Variants in NECTIN3 observed in about 807,000 individuals in gnomAD.
The protein encoded by NECTIN3 is nectin cell adhesion molecule 3.
NECTIN3 carries 8 observed loss-of-function variants against 49.4 expected under a neutral mutation model. That is an observed-to-expected ratio of 0.16 (90% CI 0.10 to 0.29). NECTIN3 has a LOEUF of 0.29. Ranked by LOEUF, NECTIN3 falls within the 10% of genes least tolerant of loss-of-function variation. The probability of loss-of-function intolerance (pLI) is 1.00; values close to 1 mark genes in which losing one functional copy is unlikely to be tolerated. For synonymous variants in NECTIN3, 277 were observed against 241.1 expected (o/e 1.15, Z -1.38); for missense variants, 581 against 654.6 (o/e 0.89, Z 1.23).
chr3:111,139,626 C>A (rs533175406), downstream of NECTIN3, among the ~76,000 whole-genome samples: 1 of 151,750 alleles, frequency 6.6e-6, no homozygotes, highest in African/African-American at 2.4e-5. Context: ...TAACCCTGTT[C>A]TTTTACCATA....
chr3:111,147,390 C>A, intron 6 of NECTIN3: 1 of 1,496,792 alleles, frequency 6.7e-7, no homozygotes, highest in Non-Finnish European at 9.0e-7. Context: ...ATATTTTAAC[C>A]TTTGCAATGC....
intron 7 of NECTIN3, among the ~76,000 whole-genome samples, chr3:111,174,962 G>A (rs2035500492): frequency 6.6e-6 from 1 of 152,046 alleles, no homozygotes; most frequent in African/African-American, 2.4e-5. Context: ...GGATGAGTGT[G>A]GACTTGAAGG....
intron 1 of NECTIN3, among the ~76,000 whole-genome samples, chr3:111,083,654 T>G (rs917592008): frequency 6.6e-6 from 1 of 152,162 alleles, no homozygotes; most frequent in Non-Finnish European, 1.5e-5. Context: ...GAGACATCAG[T>G]CAAGGTTTTA....
chr3:111,079,611 C>T (rs2031462918), intron 1 of NECTIN3, among the ~76,000 whole-genome samples: 1 of 151,662 alleles, frequency 6.6e-6, no homozygotes, highest in South Asian at 2.1e-4. Context: ...TGGAAGAAGG[C>T]ATATAGCTAA....
intron 4 of NECTIN3, among the ~76,000 whole-genome samples, chr3:111,125,511 T>C (rs1274552092): frequency 3.3e-5 from 5 of 152,170 alleles, no homozygotes; most frequent in South Asian, 2.1e-4. Flanking sequence ...TAGAGTAATA[T>C]GGATACTAGG....
At chr3:111,153,662 A>T (rs1461792895) in intron 7 of NECTIN3, among the ~76,000 whole-genome samples, 1 of 152,108 alleles carries the variant, frequency 6.6e-6, no homozygotes, top group Non-Finnish European at 1.5e-5. Context: ...TTATTTCAGT[A>T]GAAAAACAAA....
At chr3:111,084,027 G>A (rs2031785256) in intron 1 of NECTIN3, among the ~76,000 whole-genome samples, 1 of 152,138 alleles carries the variant, frequency 6.6e-6, no homozygotes, top group Admixed American at 6.5e-5. Flanking sequence ...GAGAGAAGCA[G>A]GAGAAGCTCA....
intron 1 of NECTIN3, among the ~76,000 whole-genome samples, chr3:111,095,769 GC>G (rs1234544746): frequency 1.3e-5 from 2 of 152,156 alleles, no homozygotes; most frequent in African/African-American, 4.8e-5. Context: ...AGCCCTCTAT[GC>G]CTGTAGCCAT....
At chr3:111,144,925 A>G (rs1412896883) in exon 6 of NECTIN3, 3 of 1,536,200 alleles carry the variant, frequency 2.0e-6, no homozygotes, top group Admixed American at 2.0e-5. Flanking sequence ...GACCTCTTCC[A>G]TAGCTGTAGC....
intron 1 of NECTIN3, among the ~76,000 whole-genome samples, chr3:111,104,847 G>A (rs1396717800): frequency 1.3e-5 from 2 of 152,052 alleles, no homozygotes; most frequent in African/African-American, 4.8e-5. Context: ...CCTAACTTAA[G>A]GTCACAAATA....
rs1020983367 is a variant in NECTIN3 at position 111,137,413 on chromosome 3, A to C, written c.*3198A>C. ...TTGGGTTTTAGTTTGTACCCGCGCT[A>C]AGTTTTGGTTTTGTTGTGTTTGGTG... On this transcript the variant is annotated 3_prime_UTR_variant, in exon 6 of 6. Coordinates refer to ENST00000485303, the MANE Select transcript of NECTIN3 (RefSeq NM_015480.3). 1.1e-6 allele frequency: 1 copy of C among 948,154 alleles called. No homozygotes were observed. Among genetic ancestry groups the C allele is most frequent in the Non-Finnish European group, 1.3e-6 (1 of 797,938 alleles). The allele number at this position is 948,154 out of a possible 1,614,324, so 58.7% of individuals were successfully genotyped here.
At chr3:111,180,207 C>T (rs2035602583) in intron 7 of NECTIN3, among the ~76,000 whole-genome samples, 1 of 152,122 alleles carries the variant, frequency 6.6e-6, no homozygotes, top group African/African-American at 2.4e-5. Context: ...TGATTAGCCT[C>T]ATATTGAAAA....
At chr3:111,144,772 G>A in intron 5 of NECTIN3, 1 of 972,296 alleles carries the variant, frequency 1.0e-6, no homozygotes, top group Non-Finnish European at 1.5e-6. Flanking sequence ...ATGAAATTTG[G>A]GGTCCTCTAA....
chr3:111,152,506 A>G (rs2035020840), intron 7 of NECTIN3, among the ~76,000 whole-genome samples: 1 of 151,792 alleles, frequency 6.6e-6, no homozygotes, highest in South Asian at 2.1e-4. Context: ...AAGTGTTTAA[A>G]AAGCCATTTT....
rs190115544 is a variant in NECTIN3, at chr3:111,143,826, A to G, written c.1001-1073A>G. Among the ~76,000 whole-genome samples the G allele has an allele frequency of 1.8e-3, 276 of 152,128 alleles. 4 individuals carry two copies. The South Asian group carries it at 0.019, about 11-fold the overall frequency. Reference sequence around the variant, plus strand: ...AACTTTATTTCTCTCTGTGTTCTCTACTATTCATTGATTGAATGGTCTTGG... The same window carrying G: ...AACTTTATTTCTCTCTGTGTTCTCTGCTATTCATTGATTGAATGGTCTTGG... On this transcript the variant is annotated intron_variant, in intron 5 of 8. Transcript: ENST00000493615.
At chr3:111,140,931 T>C (rs2034727675), downstream of NECTIN3, among the ~76,000 whole-genome samples, 1 of 151,958 alleles carries the variant, frequency 6.6e-6, no homozygotes, top group Admixed American at 6.6e-5. Context: ...AGATAAGTGG[T>C]AATATTTCTA....
At position 111,175,905 on chromosome 3, in the gene NECTIN3, T is replaced by C. The variant is rs1559819351; in HGVS notation, c.1222-16446T>C. 1.3e-5 allele frequency among the ~76,000 whole-genome samples: 2 copies of C among 152,236 alleles called. 1 individual carries two copies. Among genetic ancestry groups the C allele is most frequent in the East Asian group, 3.8e-4 (2 of 5,196 alleles). Reference sequence around the variant, plus strand: ...TAAATGTTTTTTTGCATTGGTATTTTAAAAAATTTATTTCCTCTACTATTT... The same window carrying C: ...TAAATGTTTTTTTGCATTGGTATTTCAAAAAATTTATTTCCTCTACTATTT... On this transcript the variant is annotated intron_variant, in intron 7 of 8. Coordinates refer to the NECTIN3 transcript ENST00000493615.
At chr3:111,108,899 C>A (rs1013076438) in intron 1 of NECTIN3, among the ~76,000 whole-genome samples, 1 of 152,162 alleles carries the variant, frequency 6.6e-6, no homozygotes, top group African/African-American at 2.4e-5. Context: ...TATGGGAGGT[C>A]ACATTTCAAC....
At position 111,182,172 on chromosome 3, in the gene NECTIN3, AT is replaced by A. The variant is rs1369105520; in HGVS notation, c.1222-10172del. 2.6e-5 allele frequency among the ~76,000 whole-genome samples: 4 copies of A among 152,032 alleles called. No homozygotes were observed. In the South Asian group the frequency reaches 6.2e-4, roughly 24 times the overall value. On this transcript the variant is annotated intron_variant, in intron 7 of 8. Coordinates refer to the NECTIN3 transcript ENST00000493615. ...TGTTTTAATTATTTATTTTTCGTTA[AT>A]TTTTTTATGGTTAGAAAATATATCT...
Sources: allele counts gnomAD v4.1 joint callset (sites outside exome capture counted in the v4.1 genomes callset), GRCh38; gene constraint gnomAD v4.1.1; transcripts MANE v1.5; gene names NCBI Gene and HGNC (gene_info 2026-07-23, HGNC 2026-07-21).